The following GRIP2 variants were observed in gnomAD, a reference collection of about 807,000 sequenced individuals.
GRIP2 encodes glutamate receptor-interacting protein 2.
Under a neutral mutation model 108.3 loss-of-function variants are expected in GRIP2, and 58 were observed. The ratio of observed to expected loss-of-function variants is 0.54; its 90% CI spans 0.43 to 0.67. The LOEUF (loss-of-function observed/expected upper bound fraction) is 0.67. GRIP2 is among the 30% of genes least tolerant of loss of function. The probability of loss-of-function intolerance (pLI) is 0.00; values close to 1 mark genes in which losing one functional copy is unlikely to be tolerated. For synonymous variants in GRIP2, 586 were observed against 598.2 expected (o/e 0.98, Z 0.30); for missense variants, 1,278 against 1,430.6 (o/e 0.89, Z 1.72).
At chr3:14,560,408 C>T (rs752583138), upstream of GRIP2, among the ~76,000 whole-genome samples, 3 of 152,230 alleles carry the variant, frequency 2.0e-5, no homozygotes, top group Middle Eastern at 3.2e-3. Flanking sequence ...TGGGGAGCTG[C>T]TCCTTCCCTG....
At chr3:14,583,621 C>G in the GRIP2 span, among the ~76,000 whole-genome samples, 1 of 152,168 alleles carries the variant, frequency 6.6e-6, no homozygotes, top group Non-Finnish European at 1.5e-5. Context: ...GGATGTGTGG[C>G]AAGAAATTAG....
rs778587546 is a variant in GRIP2, at chr3:14,521,335, T to G, written c.712+307A>C. On this transcript the variant is annotated intron_variant, in intron 7 of 23. Coordinates refer to ENST00000621039, the MANE Select transcript of GRIP2 (RefSeq NM_001080423.4). The surrounding 1 kb of genome is among the most constrained non-coding windows in gnomAD (Gnocchi z 5.1). ...TCCCATCTCTCTCCCCTGCCTCTTTTCTTTTTTCCATAGCACTTATTGCCA... is the reference window on the plus strand; with the variant it reads ...TCCCATCTCTCTCCCCTGCCTCTTTGCTTTTTTCCATAGCACTTATTGCCA... 5.1e-5 allele frequency: 15 copies of G among 295,482 alleles called. No individual in the cohort carries two copies. Among genetic ancestry groups the G allele is most frequent in the Middle Eastern group, 1.8e-3 (2 of 1,136 alleles). 18.3% of individuals were successfully genotyped at this position (295,482 alleles called of 1,614,324 possible). A position where few individuals can be genotyped will look rare whatever the true frequency, so the allele number is the denominator to read the frequency against.
chr3:14,539,785 C>T (rs908539422), intron 1 of GRIP2, among the ~76,000 whole-genome samples: 1 of 152,116 alleles, frequency 6.6e-6, no homozygotes, highest in African/African-American at 2.4e-5. Flanking sequence ...CCAGTCAGAC[C>T]CCCAAACCAG....
the GRIP2 span, among the ~76,000 whole-genome samples, chr3:14,563,522 C>T: frequency 5.9e-5 from 9 of 151,958 alleles, no homozygotes; most frequent in Non-Finnish European, 1.2e-4. Flanking sequence ...CTGGAGGGTC[C>T]GAGGAAGGTC....
At chr3:14,501,254 G>A (rs73031851) in intron 21 of GRIP2, among the ~76,000 whole-genome samples, 53,200 of 152,118 alleles carry the variant, frequency 0.35, 10,073 homozygotes, top group East Asian at 0.59. Context: ...GGTGTTAGAA[G>A]TGCTCTGGAA....
rs751250632 is a variant in GRIP2, at chr3:14,506,861, C to T, written c.2338G>A (p.Val780Met). 2.1e-5 allele frequency: 34 copies of T among 1,607,634 alleles called. No homozygotes were observed. In the East Asian group the frequency reaches 7.2e-4, roughly 34 times the overall value. ...AARFSPAVPS[V>M]DSAVESWDSS... ...TCCCAAGACTCCACAGCACTGTCCA[C>T]ACTGGGCACAGCCGGCGAGAAGCGG... Residue 780 changes from valine (V) to methionine (M), a missense_variant, in exon 19 of 24, where the codon GTG (valine) becomes ATG (methionine). Coordinates refer to ENST00000621039, the MANE Select transcript of GRIP2 (RefSeq NM_001080423.4).
chr3:14,574,307 CA>C, the GRIP2 span: 3 of 989,218 alleles, frequency 3.0e-6, no homozygotes, highest in Non-Finnish European at 4.8e-6. Flanking sequence ...TCAGCCCATA[CA>C]GCCGCTTCTC....
chr3:14,550,111 G>T (rs994906947), intron 1 of GRIP2, among the ~76,000 whole-genome samples: 1 of 152,204 alleles, frequency 6.6e-6, no homozygotes, highest in Non-Finnish European at 1.5e-5. Flanking sequence ...GACAGGGCTT[G>T]ACCCTGGGAT....
intron 1 of GRIP2, among the ~76,000 whole-genome samples, chr3:14,535,692 A>G (rs1197859276): frequency 6.6e-6 from 1 of 152,238 alleles, no homozygotes; most frequent in East Asian, 1.9e-4. Context: ...AGAGAGGTCA[A>G]GGGAACTGCC....
chr3:14,580,741 T>C, the GRIP2 span, among the ~76,000 whole-genome samples: 1 of 152,196 alleles, frequency 6.6e-6, no homozygotes, highest in Non-Finnish European at 1.5e-5. Flanking sequence ...AAAACCCACT[T>C]GACCAGGCTT....
upstream of GRIP2, among the ~76,000 whole-genome samples, chr3:14,557,113 C>A (rs1486463318): frequency 6.6e-6 from 1 of 152,250 alleles, no homozygotes; most frequent in Non-Finnish European, 1.5e-5. Flanking sequence ...GGTTCCCCCA[C>A]ATGCAGAACT....
At chr3:14,525,747 G>A (rs970153738) in intron 2 of GRIP2, 104 bp downstream of exon 2, 1 of 1,330,342 alleles carries the variant, frequency 7.5e-7, no homozygotes, top group South Asian at 1.3e-5. Context: ...GCTGGTCTAA[G>A]GTCACAGAGC....
intron 17 of GRIP2, among the ~76,000 whole-genome samples, chr3:14,508,677 GCC>G (rs1344810506): frequency 6.6e-6 from 1 of 152,066 alleles, no homozygotes; most frequent in Non-Finnish European, 1.5e-5. Flanking sequence ...TGGCTGCTGA[GCC>G]CCTCAAATGT....
the GRIP2 span, among the ~76,000 whole-genome samples, chr3:14,569,225 G>A: frequency 6.6e-6 from 1 of 152,220 alleles, no homozygotes; most frequent in Non-Finnish European, 1.5e-5. Flanking sequence ...ACTGAGTTGT[G>A]CCTGCTAGCC....
At position 14,514,332 on chromosome 3, in the gene GRIP2, G is replaced by A. The variant is rs1465193078; in HGVS notation, c.1453C>T (p.Pro485Ser). The A allele has an allele frequency of 6.3e-7, 1 of 1,578,004 alleles. No homozygotes were observed. Among genetic ancestry groups the A allele is most frequent in the Non-Finnish European group, 8.6e-7 (1 of 1,162,968 alleles). The change falls in exon 12 of 24, where the codon CCC becomes TCC. Residue 485 changes from proline to serine, a missense_variant. Coordinates refer to ENST00000621039, the MANE Select transcript of GRIP2 (RefSeq NM_001080423.4). Reference protein sequence around the residue: ...IFATETLSSPPLVCFIEPDSP... With the variant: ...IFATETLSSPSLVCFIEPDSP... ...TCAGGCTCGATGAAGCACACGAGGGGTGGGGAGGACAGGGTCTCGGTGGCG... is the reference window on the plus strand; with the variant it reads ...TCAGGCTCGATGAAGCACACGAGGGATGGGGAGGACAGGGTCTCGGTGGCG...
the GRIP2 span, among the ~76,000 whole-genome samples, chr3:14,581,713 T>A: frequency 6.6e-6 from 1 of 152,366 alleles, no homozygotes; most frequent in East Asian, 1.9e-4. Context: ...GCTCTGATGT[T>A]GTCCCTTGAG....
rs761172020 is a variant in GRIP2 at position 14,513,693 on chromosome 3, G to T, written c.1611C>A (p.Val537=). The change falls in exon 13 of 24, where the codon GTC becomes GTA. Residue 537 remains valine, a synonymous_variant. Transcript: ENST00000621039. ...CCACATCGAACTCCACCTCCAGCAC[G>T]ACCTTGTGGGCCAGTGCGGCGTCCC... ...LLRDAALAHK[V]VLEVEFDVAE... 52 of 1,610,670 alleles carry T rather than the reference G, an allele frequency of 3.2e-5. No individual in the cohort carries two copies. The highest frequency in any genetic ancestry group is 4.1e-5 in the Non-Finnish European group (48 of 1,178,712).
chr3:14,571,812 G>A, the GRIP2 span, among the ~76,000 whole-genome samples: 9 of 152,112 alleles, frequency 5.9e-5, no homozygotes, highest in African/African-American at 1.9e-4. Flanking sequence ...CTCACCAGGT[G>A]GTGTTGATAC....
intron 9 of GRIP2, among the ~76,000 whole-genome samples, 176 bp from the exon 10 acceptor site, chr3:14,518,073 G>C (rs1195048817): frequency 1.3e-5 from 2 of 152,228 alleles, no homozygotes; most frequent in Non-Finnish European, 2.9e-5. Context: ...TGTGTTCAGA[G>C]TGCAGCTGCT....
Sources: gnomAD v4.1 joint callset for allele counts (sites outside exome capture counted in the v4.1 genomes callset) on GRCh38, gnomAD v4.1.1 for gene constraint, Gnocchi (gnomAD v3.1) non-coding constraint, MANE v1.5 for transcripts, NCBI Gene and HGNC (gene_info 2026-07-23, HGNC 2026-07-21) for gene names.